CIZ1: variants seen among roughly 807,000 people sequenced by gnomAD.
The protein encoded by CIZ1 is cip1-interacting zinc finger protein.
Under a neutral mutation model 118.6 loss-of-function variants are expected in CIZ1, and 58 were observed. The ratio of observed to expected loss-of-function variants is 0.49; its 90% confidence interval spans 0.40 to 0.61. The LOEUF is 0.61. Ranked by LOEUF, CIZ1 falls within the 20% of genes least tolerant of loss-of-function variation. The pLI is 0.00. For synonymous variants in CIZ1, 448 were observed against 443.4 expected, an observed-to-expected ratio of 1.01 and a Z score of -0.13; for missense variants, 921 against 1,115.9, an observed-to-expected ratio of 0.83 and a Z score of 2.49.
At chr9:128,191,624 G>T, upstream of CIZ1, 1 of 1,220,392 alleles carries the variant, frequency 8.2e-7, no homozygotes, top group Non-Finnish European at 1.0e-6. The surrounding 1 kb of genome is among the most constrained non-coding windows in gnomAD (Gnocchi z 5.5). Context: ...GGGACGGGAG[G>T]TCCAGGCGCC....
upstream of CIZ1, chr9:128,191,845 C>T (rs1367865655): frequency 2.7e-6 from 4 of 1,479,066 alleles, no homozygotes; most frequent in Non-Finnish European, 3.6e-6. The surrounding 1 kb of genome is among the most constrained non-coding windows in gnomAD (Gnocchi z 5.5). Flanking sequence ...CCTTCCTGTT[C>T]CCAACCCACC....
chr9:128,182,535 C>T (rs554609172), intron 5 of CIZ1, among the ~76,000 whole-genome samples: 2 of 152,276 alleles, frequency 1.3e-5, no homozygotes, highest in Admixed American at 6.5e-5. Context: ...GCACGCCTTA[C>T]GCCAAGCCTG....
chr9:128,203,311 C>A lies in CIZ1; in HGVS notation c.-6+875G>T. On this transcript the variant is annotated intron_variant, in intron 1 of 17. Coordinates refer to the CIZ1 transcript ENST00000372948. The surrounding 1 kb of genome is among the most constrained non-coding windows in gnomAD (Gnocchi z 5.3). ...CGGCCGGCCCGCAGCGCCGCGGGCT[C>A]CCCCTAGCGGCGTCCGGGAGCGGTG... 2.0e-6 allele frequency: 1 copy of A among 503,468 alleles called. No homozygotes were observed. The highest frequency in any genetic ancestry group is 2.8e-6 in the Non-Finnish European group (1 of 360,622). The allele number at this position is 503,468 out of a possible 1,614,324, so 31.2% of individuals were successfully genotyped here.
intron 11 of CIZ1, among the ~76,000 whole-genome samples, chr9:128,173,492 G>A (rs1473896820): frequency 6.6e-6 from 1 of 150,664 alleles, no homozygotes; most frequent in African/African-American, 2.4e-5. Flanking sequence ...ATGACGGGCT[G>A]GTCTTGAACT....
At chr9:128,179,446 T>G in intron 7 of CIZ1, 31 bp from the exon 8 acceptor site, 1 of 1,538,672 alleles carries the variant, frequency 6.5e-7, no homozygotes, top group Non-Finnish European at 8.7e-7. Flanking sequence ...ATCCCAGTCA[T>G]GTCTTCAAAG....
chr9:128,176,271 C>G, intron 11 of CIZ1, 80 bp downstream of exon 11: 1 of 1,559,108 alleles, frequency 6.4e-7, no homozygotes, highest in South Asian at 1.2e-5. Context: ...CAAAGGTAAA[C>G]CCTGCAGATG....
rs375396341 is a variant in CIZ1, at chr9:128,167,175, G to A, written c.2296-11C>T. 161 of 1,563,466 alleles carry A rather than the reference G, an allele frequency of 1.0e-4. No homozygotes were observed. Among genetic ancestry groups the A allele is most frequent in the Non-Finnish European group, 1.3e-4 (154 of 1,153,722 alleles). On this transcript the variant is annotated splice_polypyrimidine_tract_variant and intron_variant, in intron 14 of 16. Transcript: ENST00000372938. ...ATCTCTGGACCTCACCTGAAAACAT[G>A]CAAGTGTGGGCCTCGGATCTGGCTT...
rs1833636318 is a variant in CIZ1, at chr9:128,203,699, A to G, written c.-6+487T>C. On this transcript the variant is annotated intron_variant, in intron 1 of 17. Transcript: ENST00000372948. This position sits in a 1 kb window ranked among gnomAD's most constrained non-coding sequence, Gnocchi z 5.3. ...GATCCCTGGAGTCCCCGCCCGGGGC[A>G]CTGACGGCGCGGCGACCTCGCAGCC... 2 of 1,335,148 alleles carry G rather than the reference A, an allele frequency of 1.5e-6. No individual in the cohort carries two copies. Among genetic ancestry groups the G allele is most frequent in the Admixed American group, 8.1e-5 (2 of 24,686 alleles). The allele number at this position is 1,335,148 out of a possible 1,614,324, so 82.7% of individuals were successfully genotyped here. A position where few individuals can be genotyped will look rare whatever the true frequency, so the allele number is the denominator to read the frequency against.
upstream of CIZ1, chr9:128,191,941 CAT>C: frequency 7.0e-7 from 1 of 1,422,214 alleles, no homozygotes; most frequent in African/African-American, 1.5e-5. The surrounding 1 kb of genome is among the most constrained non-coding windows in gnomAD (Gnocchi z 5.5). Context: ...GATGTACATT[CAT>C]TCGAGGGACC....
At chr9:128,200,052 G>A (rs1466288718) in intron 1 of CIZ1, 1 of 152,018 alleles carries the variant, frequency 6.6e-6, no homozygotes, top group Non-Finnish European at 1.5e-5. Flanking sequence ...GCCTCCTAAA[G>A]TGCTGGGATT....
At chr9:128,190,602 C>G in intron 2 of CIZ1, 86 bp downstream of exon 2, 1 of 1,491,834 alleles carries the variant, frequency 6.7e-7, no homozygotes, top group Non-Finnish European at 9.0e-7. Flanking sequence ...GGGGATGGCA[C>G]TGGGAAAAAG....
At chr9:128,183,961 T>A (rs771031064) in intron 5 of CIZ1, among the ~76,000 whole-genome samples, 1 of 152,136 alleles carries the variant, frequency 6.6e-6, no homozygotes, top group Non-Finnish European at 1.5e-5. Context: ...AGAGACGGGG[T>A]TTCACCATGT....
chr9:128,186,074 A>G (rs1832330767), intron 4 of CIZ1, among the ~76,000 whole-genome samples: 1 of 152,056 alleles, frequency 6.6e-6, no homozygotes, highest in South Asian at 2.1e-4. Flanking sequence ...GCCATAGAGT[A>G]GGTGAGAGAC....
At chr9:128,173,347 G>A (rs1011706484) in intron 11 of CIZ1, among the ~76,000 whole-genome samples, 9 of 151,562 alleles carry the variant, frequency 5.9e-5, no homozygotes, top group South Asian at 2.1e-4. Flanking sequence ...GGGTTTCACC[G>A]TGTTAGCCAT....
At position 128,166,586 on chromosome 9, in the gene CIZ1, GAACAA is replaced by G; in HGVS notation, c.2487+168_2487+172del. The G allele has an allele frequency of 1.0e-6, 1 of 996,714 alleles. No individual in the cohort carries two copies. Among genetic ancestry groups the G allele is most frequent in the Non-Finnish European group, 1.5e-6 (1 of 676,800 alleles). The allele number at this position is 996,714 out of a possible 1,614,324, so 61.7% of individuals were successfully genotyped here. On this transcript the variant is annotated intron_variant, in intron 16 of 16. Coordinates refer to ENST00000372938, the MANE Select transcript of CIZ1 (RefSeq NM_001131016.2). This position sits in a 1 kb window ranked among gnomAD's most constrained non-coding sequence, Gnocchi z 4.4. Reference sequence around the variant, plus strand: ...ACAGCCTGGCACTCAGCATCCCCTTGAACAATAAGAGCCCAACCCCACCCCAGCTC... The same window carrying G: ...ACAGCCTGGCACTCAGCATCCCCTTGTAAGAGCCCAACCCCACCCCAGCTC...
At chr9:128,174,173 C>T (rs1830581749) in intron 11 of CIZ1, among the ~76,000 whole-genome samples, 1 of 152,220 alleles carries the variant, frequency 6.6e-6, no homozygotes. Flanking sequence ...GAACACCCCC[C>T]TGCCTTCCAT....
intron 11 of CIZ1, among the ~76,000 whole-genome samples, chr9:128,172,501 A>C (rs1337145867): frequency 1.3e-5 from 2 of 152,214 alleles, no homozygotes; most frequent in African/African-American, 4.8e-5. Context: ...TCAAAAAAAA[A>C]CCAAAAAAAG....
At chr9:128,192,017 G>A, upstream of CIZ1, 1 of 925,822 alleles carries the variant, frequency 1.1e-6, no homozygotes, top group Non-Finnish European at 1.5e-6. Context: ...CGGAGGGGTG[G>A]AGGGAGAGTC....
chr9:128,200,943 G>T (rs1029386892), intron 1 of CIZ1, among the ~76,000 whole-genome samples: 16 of 152,132 alleles, frequency 1.1e-4, no homozygotes, highest in African/African-American at 3.9e-4. Flanking sequence ...AGACCATCCC[G>T]GCCGACATGG....
Sources: allele counts gnomAD v4.1 joint callset (sites outside exome capture counted in the v4.1 genomes callset), GRCh38; gene constraint gnomAD v4.1.1; non-coding constraint Gnocchi (gnomAD v3.1); transcripts MANE v1.5; gene names NCBI Gene and HGNC (gene_info 2026-07-23, HGNC 2026-07-21).